The following RSPH14 variants were observed in gnomAD, a reference collection of about 807,000 sequenced individuals.
RSPH14 encodes rhabdoid tumor deletion region gene 1.
In RSPH14, 20 loss-of-function variants were observed where a neutral mutation model predicts 26.7. The ratio of observed to expected loss-of-function variants is 0.75; its 90% CI spans 0.53 to 1.09. RSPH14 has a LOEUF of 1.09. Among genes scored for constraint, RSPH14 ranks in the 50% least tolerant of loss-of-function variants. The probability of loss-of-function intolerance (pLI) is 0.00; values close to 1 mark genes in which losing one functional copy is unlikely to be tolerated. For synonymous variants in RSPH14, 177 were observed against 189.3 expected (o/e 0.93, Z 0.53); for missense variants, 449 against 457.2 (o/e 0.98, Z 0.16).
chr22:23,092,601 A>G (rs1236218263), intron 4 of RSPH14, among the ~76,000 whole-genome samples: 2 of 152,098 alleles, frequency 1.3e-5, no homozygotes, highest in South Asian at 2.1e-4. Context: ...TTCCTTGCAC[A>G]TTGCCCTGTC....
At chr22:23,146,531 G>T (rs2070783022), upstream of RSPH14, 2 of 1,561,594 alleles carry the variant, frequency 1.3e-6, no homozygotes, top group Non-Finnish European at 8.7e-7. Flanking sequence ...TGAAAAGTTA[G>T]GTGGAAACTC....
chr22:23,064,721 G>T (rs2068167495), intron 4 of RSPH14, among the ~76,000 whole-genome samples: 1 of 152,182 alleles, frequency 6.6e-6, no homozygotes, highest in South Asian at 2.1e-4. Context: ...GGAAGCCATA[G>T]GCTCTCGTCT....
At chr22:23,064,804 C>T (rs2068169331) in intron 4 of RSPH14, among the ~76,000 whole-genome samples, 1 of 152,178 alleles carries the variant, frequency 6.6e-6, no homozygotes, top group Admixed American at 6.5e-5. Context: ...GGGAGAAGCA[C>T]AATGAGGCAA....
rs145904273 is a variant in RSPH14 at position 23,101,101 on chromosome 22, G to C, written c.421+32925C>G. On this transcript the variant is annotated intron_variant, in intron 4 of 6. Coordinates refer to ENST00000216036, the MANE Select transcript of RSPH14 (RefSeq NM_014433.3). ...TGCCCAAGGAGGGAATTACAAATGG[G>C]CAATAGCCAGACACAGATGATACCC... Among the ~76,000 whole-genome samples, 6 of 152,304 alleles carry C rather than the reference G, an allele frequency of 3.9e-5. No homozygotes were observed. The East Asian group carries it at 1.2e-3, about 29-fold the overall frequency.
chr22:23,066,114 A>T (rs1370996441), intron 4 of RSPH14, among the ~76,000 whole-genome samples: 1 of 152,158 alleles, frequency 6.6e-6, no homozygotes, highest in Non-Finnish European at 1.5e-5. Flanking sequence ...ACCTTCTGTT[A>T]ATTTTGCTGG....
rs1426724733 is a variant in RSPH14 at position 23,083,561 on chromosome 22, T to C, written c.422-19428A>G. ...GCACCTGCTTCGAGGGAAGCAGAGC[T>C]GGTGCTTGGGGGAGGGAGGGTAGAG... On this transcript the variant is annotated intron_variant, in intron 4 of 6. Transcript: ENST00000216036. Among the ~76,000 whole-genome samples the C allele has an allele frequency of 2.6e-5, 4 of 152,090 alleles. No individual in the cohort carries two copies. The East Asian group carries it at 7.7e-4, about 29-fold the overall frequency.
chr22:23,121,809 C>A (rs2070036537), intron 4 of RSPH14, among the ~76,000 whole-genome samples: 1 of 151,452 alleles, frequency 6.6e-6, no homozygotes, highest in African/African-American at 2.4e-5. Context: ...GCAACCTCCA[C>A]CTCCCGGGTT....
intron 1 of RSPH14, among the ~76,000 whole-genome samples, chr22:23,140,972 A>T (rs2070588710): frequency 6.6e-6 from 1 of 152,210 alleles, no homozygotes; most frequent in African/African-American, 2.4e-5. Context: ...GGTCTAGCTC[A>T]TTCACTGCCA....
At position 23,061,917 on chromosome 22, in the gene RSPH14, A is replaced by T; in HGVS notation, c.682T>A (p.Cys228Ser). ...SISREGKKQV[C>S]HFDVIPILVH... The stretch of plus-strand genomic sequence containing the variant: ...AGGATGGGGATGACGTCAAAATGAC[A>T]CACCTGTTTCTTGCCCTCTCGAGAT... The change falls in exon 6 of 7, where the codon TGT becomes AGT. Residue 228 changes from cysteine to serine, a missense_variant. Physicochemically the swap from Cys to Ser is moderately radical, Grantham distance 112. Coordinates refer to ENST00000216036, the MANE Select transcript of RSPH14 (RefSeq NM_014433.3). 2 of 1,614,160 alleles carry T rather than the reference A, an allele frequency of 1.2e-6. No individual in the cohort carries two copies. The highest frequency in any genetic ancestry group is 1.7e-6 in the Non-Finnish European group (2 of 1,180,020).
At chr22:23,152,225 C>T in the RSPH14 span, among the ~76,000 whole-genome samples, 1 of 152,146 alleles carries the variant, frequency 6.6e-6, no homozygotes, top group African/African-American at 2.4e-5. Flanking sequence ...AGGATGGGGA[C>T]TTTGGCCAAA....
intron 4 of RSPH14, among the ~76,000 whole-genome samples, chr22:23,132,096 G>A (rs537791157): frequency 4.6e-5 from 7 of 152,302 alleles, no homozygotes; most frequent in Non-Finnish European, 7.4e-5. Context: ...TGGGCAGGAC[G>A]CTGAGCTATA....
the RSPH14 span, chr22:23,163,806 C>T: frequency 1.3e-5 from 2 of 152,228 alleles, no homozygotes; most frequent in African/African-American, 2.4e-5. Context: ...AGAGTGAGCT[C>T]CTTCTGGACA....
chr22:23,140,161 C>T (rs2070564020), intron 2 of RSPH14, 61 bp downstream of exon 2: 12 of 1,597,738 alleles, frequency 7.5e-6, no homozygotes, highest in Non-Finnish European at 1.0e-5. Flanking sequence ...TGAAGTTCTA[C>T]CCAGTGCCTG....
intron 4 of RSPH14, among the ~76,000 whole-genome samples, chr22:23,130,049 AAGAG>A (rs764764440): frequency 1.3e-5 from 2 of 148,362 alleles, no homozygotes; most frequent in Non-Finnish European, 3.0e-5. Context: ...GAGAGAAAGA[AAGAG>A]AAAGAAAAAG....
upstream of RSPH14, chr22:23,145,886 G>T: frequency 1.8e-5 from 14 of 769,984 alleles, no homozygotes; most frequent in Non-Finnish European, 2.1e-5. Context: ...TGAAGTGAGG[G>T]TTTTCAGGGA....
At chr22:23,138,482 A>C (rs1468684148) in intron 3 of RSPH14, among the ~76,000 whole-genome samples, 1 of 152,006 alleles carries the variant, frequency 6.6e-6, no homozygotes, top group Non-Finnish European at 1.5e-5. Context: ...AATTGCTTGA[A>C]CCCAAAGAGG....
intron 4 of RSPH14, among the ~76,000 whole-genome samples, chr22:23,106,379 T>C (rs768085967): frequency 1.2e-4 from 19 of 152,214 alleles, no homozygotes; most frequent in Admixed American, 9.8e-4. Context: ...GGGAGAGCTC[T>C]GCCCAGTGGG....
upstream of RSPH14, among the ~76,000 whole-genome samples, chr22:23,142,686 C>T (rs959384441): frequency 6.6e-6 from 1 of 152,234 alleles, no homozygotes; most frequent in Non-Finnish European, 1.5e-5. Flanking sequence ...CCTAGCCCTG[C>T]CCATGCCCCT....
chr22:23,066,115 A>G (rs564628394), intron 4 of RSPH14, among the ~76,000 whole-genome samples: 6 of 152,274 alleles, frequency 3.9e-5, no homozygotes, highest in African/African-American at 1.4e-4. Context: ...CCTTCTGTTA[A>G]TTTTGCTGGC....
Sources: allele counts gnomAD v4.1 joint callset (sites outside exome capture counted in the v4.1 genomes callset), GRCh38; gene constraint gnomAD v4.1.1; transcripts MANE v1.5; gene names NCBI Gene and HGNC (gene_info 2026-07-23, HGNC 2026-07-21).